The following FYN variants were observed in gnomAD, a reference collection of about 807,000 sequenced individuals.
FYN encodes the protein tyrosine-protein kinase Fyn.
A neutral mutation model predicts 70.2 loss-of-function variants in FYN; 10 were observed. The ratio of observed to expected loss-of-function variants is 0.14; its 90% CI spans 0.09 to 0.24. FYN has a LOEUF of 0.24. Ranked by LOEUF, FYN falls within the 10% of genes least tolerant of loss-of-function variation. The pLI is 1.00. For missense variants in FYN, 319 were observed against 673.1 expected (o/e 0.47, Z 5.82); for synonymous variants, 236 against 248.6 (o/e 0.95, Z 0.48).
At chr6:111,736,036 T>C (rs1299399373) in intron 3 of FYN, among the ~76,000 whole-genome samples, 1 of 152,120 alleles carries the variant, frequency 6.6e-6, no homozygotes, top group Non-Finnish European at 1.5e-5. Context: ...ACACCACAGA[T>C]AGACATCTGC....
chr6:111,720,478 G>C (rs1273331766), intron 3 of FYN, among the ~76,000 whole-genome samples: 3 of 152,086 alleles, frequency 2.0e-5, no homozygotes, highest in Non-Finnish European at 4.4e-5. Flanking sequence ...CTTCCATCAG[G>C]GCACAGGAAA....
chr6:111,713,108 G>T (rs1372110177), intron 5 of FYN, among the ~76,000 whole-genome samples: 1 of 152,174 alleles, frequency 6.6e-6, no homozygotes, highest in Non-Finnish European at 1.5e-5. Flanking sequence ...GCCTTCTGAT[G>T]TCTCGAAGAG....
Position 111,780,587 on chromosome 6 carries a change from C to G in FYN, c.-33G>C, listed in dbSNP as rs989180346. 6.6e-6 allele frequency: 1 copy of G among 152,620 alleles called. No individual in the cohort carries two copies. The highest frequency in any genetic ancestry group is 2.4e-5 in the African/African-American group (1 of 41,450). The allele number at this position is 152,620 out of a possible 1,614,324, so 9.5% of individuals were successfully genotyped here. ...TTACCAAAATGTCCGCCAACGATCA[C>G]AAACTTTATATACACCACATGTCTT... On this transcript the variant is annotated 5_prime_UTR_variant, in exon 3 of 14. Coordinates refer to ENST00000354650, the MANE Select transcript of FYN (RefSeq NM_002037.5).
At chr6:111,687,106 A>G (rs1057084720) in intron 12 of FYN, among the ~76,000 whole-genome samples, 3 of 152,262 alleles carry the variant, frequency 2.0e-5, no homozygotes, top group Non-Finnish European at 4.4e-5. Context: ...TCTAATACAC[A>G]AAGAGTTATT....
intron 12 of FYN, among the ~76,000 whole-genome samples, chr6:111,678,990 A>C (rs1428214691): frequency 6.6e-6 from 1 of 152,146 alleles, no homozygotes; most frequent in Non-Finnish European, 1.5e-5. Context: ...CTGGGTTTCT[A>C]TAGTAGCCTT....
intron 2 of FYN, among the ~76,000 whole-genome samples, chr6:111,840,363 G>A (rs1773319771): frequency 6.6e-6 from 1 of 152,188 alleles, no homozygotes; most frequent in East Asian, 1.9e-4. Flanking sequence ...ACACAGATGA[G>A]AAGGCAATGT....
In FYN at chr6:111,714,405, G is replaced by T. The variant is rs1351655525; in HGVS notation, c.286C>A (p.Arg96=). ...LFVALYDYEA[R]TEDDLSFHKG... ...TGAAAACTCAGGTCATCTTCTGTCC[G>T]TGCTTCATAGTCATAAAGGGCCACA... is the stretch of plus-strand genomic sequence containing the variant. The change falls in exon 5 of 14, where the codon CGG becomes AGG. Residue 96 remains arginine, a synonymous_variant. Coordinates refer to ENST00000354650, the MANE Select transcript of FYN (RefSeq NM_002037.5). The T allele has an allele frequency of 1.9e-6, 3 of 1,613,878 alleles. No homozygotes were observed. Among genetic ancestry groups the T allele is most frequent in the Middle Eastern group, 1.6e-4 (1 of 6,084 alleles).
At position 111,866,345 on chromosome 6, in the gene FYN, G is replaced by A. The variant is rs573249679; in HGVS notation, c.-123+6623C>T. ...TACCCCAACCTCATGCTTTTGTTTT[G>A]TTTTCTTTTGTTTTGAGACAGAGCC... On this transcript the variant is annotated intron_variant, in intron 1 of 13. Transcript: ENST00000354650. 9.2e-5 allele frequency among the ~76,000 whole-genome samples: 14 copies of A among 152,134 alleles called. No individual in the cohort carries two copies. The South Asian group carries it at 1.9e-3, about 20-fold the overall frequency.
chr6:111,764,011 T>C (rs917294345), intron 3 of FYN, among the ~76,000 whole-genome samples: 15 of 151,902 alleles, frequency 9.9e-5, no homozygotes, highest in African/African-American at 3.4e-4. Context: ...TGAAACAAAA[T>C]TGAATTGGTC....
intron 3 of FYN, among the ~76,000 whole-genome samples, chr6:111,730,310 G>A (rs1384302508): frequency 2.6e-5 from 4 of 152,144 alleles, no homozygotes; most frequent in Non-Finnish European, 4.4e-5. Context: ...TGGGATAACC[G>A]AACCAAAAGC....
intron 3 of FYN, among the ~76,000 whole-genome samples, chr6:111,730,404 C>T (rs140265170): frequency 1.5e-4 from 23 of 152,220 alleles, no homozygotes; most frequent in Non-Finnish European, 2.8e-4. Context: ...TTCAGAATGA[C>T]GGTACTCACT....
chr6:111,786,314 G>T (rs1351336578), intron 2 of FYN, among the ~76,000 whole-genome samples: 2 of 151,660 alleles, frequency 1.3e-5, no homozygotes, highest in Non-Finnish European at 2.9e-5. Context: ...GCGGTGTTTG[G>T]TTTTTTGTCC....
chr6:111,694,857 G>T lies in FYN; in HGVS notation c.1043-153C>A, dbSNP rs1799505589. ...CAAAAAGGTTTATATAAAAAAGCAG[G>T]GTAGAAAAAAGTATAGGCATGGAGA... On this transcript the variant is annotated intron_variant, in intron 10 of 13. Transcript: ENST00000354650. This position sits in a 1 kb window ranked among gnomAD's most constrained non-coding sequence, Gnocchi z 5.0. Among the ~76,000 whole-genome samples, 1 of 152,032 alleles carries T rather than the reference G, an allele frequency of 6.6e-6. No homozygotes were observed. The highest frequency in any genetic ancestry group is 1.5e-5 in the Non-Finnish European group (1 of 67,998).
chr6:111,773,610 G>GA (rs1803576881), intron 3 of FYN, among the ~76,000 whole-genome samples: 1 of 83,646 alleles, frequency 1.2e-5, no homozygotes, highest in Non-Finnish European at 2.4e-5. Context: ...GAGAGAGGGG[G>GA]AGGGAGAGAG....
intron 3 of FYN, among the ~76,000 whole-genome samples, chr6:111,755,432 T>C (rs958477352): frequency 3.3e-5 from 5 of 152,194 alleles, no homozygotes; most frequent in Non-Finnish European, 7.4e-5. Flanking sequence ...ACACATACAG[T>C]GAGAGATTTT....
chr6:111,697,819 T>C (rs756698310), intron 9 of FYN, among the ~76,000 whole-genome samples: 2 of 152,244 alleles, frequency 1.3e-5, no homozygotes, highest in Admixed American at 6.5e-5. Context: ...AAGTTGATAT[T>C]TGTAAAATTT....
chr6:111,774,033 G>C (rs1257622043), intron 3 of FYN, among the ~76,000 whole-genome samples: 1 of 152,222 alleles, frequency 6.6e-6, no homozygotes, highest in Non-Finnish European at 1.5e-5. Context: ...GTGGATGCGA[G>C]GCTGTGGGCC....
chr6:111,865,038 T>C (rs779536826), intron 1 of FYN, among the ~76,000 whole-genome samples: 2 of 152,210 alleles, frequency 1.3e-5, no homozygotes, highest in African/African-American at 4.8e-5. Context: ...GTATGCTCTC[T>C]ACTTTTTTGC....
At chr6:111,857,513 T>G (rs917742125) in intron 1 of FYN, among the ~76,000 whole-genome samples, 10 of 152,212 alleles carry the variant, frequency 6.6e-5, no homozygotes, top group Non-Finnish European at 8.8e-5. Flanking sequence ...AAAAATGGTA[T>G]ACTATAAGAG....
Sources: gnomAD v4.1 joint callset for allele counts (sites outside exome capture counted in the v4.1 genomes callset) on GRCh38, gnomAD v4.1.1 for gene constraint, Gnocchi (gnomAD v3.1) non-coding constraint, MANE v1.5 for transcripts, NCBI Gene and HGNC (gene_info 2026-07-23, HGNC 2026-07-21) for gene names.